GDA: variants seen among roughly 807,000 people sequenced by gnomAD.
The protein encoded by GDA is guanine deaminase, also known as cytoplasmic PSD-95 interactor.
In GDA, 18 loss-of-function variants were observed where a neutral mutation model predicts 59.6. The ratio of observed to expected loss-of-function variants is 0.30; its 90% confidence interval spans 0.21 to 0.45. GDA has a LOEUF of 0.45. Ranked by LOEUF, GDA falls within the 20% of genes least tolerant of loss-of-function variation. The probability of loss-of-function intolerance (pLI) is 1.00; values close to 1 mark genes in which losing one functional copy is unlikely to be tolerated. For synonymous variants in GDA, 201 were observed against 201.1 expected, an observed-to-expected ratio of 1.00 and a Z score of 0.00; for missense variants, 427 against 552.3, an observed-to-expected ratio of 0.77 and a Z score of 2.27.
chr9:72,210,996 T>C (rs1835286907), intron 4 of GDA, among the ~76,000 whole-genome samples: 1 of 152,190 alleles, frequency 6.6e-6, no homozygotes, highest in Admixed American at 6.5e-5. Flanking sequence ...GTGTTTTCTA[T>C]TTTCTAAGTA....
rs777667197 is a variant in GDA, at chr9:72,210,768, A to G, written c.466A>G (p.Ile156Val). 8.8e-6 allele frequency: 14 copies of G among 1,599,518 alleles called. No homozygotes were observed. The Middle Eastern group carries it at 6.6e-4, about 76-fold the overall frequency. Residue 156 changes from isoleucine (I) to valine (V), a missense_variant, in exon 4 of 14, where the codon ATT (isoleucine) becomes GTT (valine). By Grantham distance (29) the Ile-to-Val change is conservative. Transcript: ENST00000358399. ...HTDSSLLLADITDKFGQRAFV... is the reference protein window; with the variant it reads ...HTDSSLLLADVTDKFGQRAFV... ...TGACTCATCTCTGCTCCTTGCCGAC[A>G]TTACAGGTGAGCAAATGAAGCATGA...
intron 1 of GDA, among the ~76,000 whole-genome samples, chr9:72,183,496 T>C (rs1831511537): frequency 6.6e-6 from 1 of 152,056 alleles, no homozygotes; most frequent in Non-Finnish European, 1.5e-5. Context: ...AAATAGTTTA[T>C]AAAGAAAAAA....
chr9:72,208,170 A>G (rs1834952115), intron 3 of GDA, among the ~76,000 whole-genome samples: 1 of 152,214 alleles, frequency 6.6e-6, no homozygotes, highest in Non-Finnish European at 1.5e-5. Context: ...CTACTGTCTA[A>G]GGTACGGCAT....
At chr9:72,119,785 G>T (rs1323320350) in intron 1 of GDA, among the ~76,000 whole-genome samples, 1 of 152,114 alleles carries the variant, frequency 6.6e-6, no homozygotes, top group African/African-American at 2.4e-5. Context: ...GCTTGAGCAA[G>T]ATATACACTT....
At position 72,248,520 on chromosome 9, in the gene GDA, A is replaced by C. The variant is rs1840385010; in HGVS notation, c.*178A>C. 10 of 1,405,558 alleles carry C rather than the reference A, an allele frequency of 7.1e-6. No homozygotes were observed. In the South Asian group the frequency reaches 1.6e-4, roughly 22 times the overall value. 87.1% of individuals were successfully genotyped at this position (1,405,558 alleles called of 1,614,324 possible). On this transcript the variant is annotated 3_prime_UTR_variant, in exon 14 of 14. Coordinates refer to ENST00000358399, the MANE Select transcript of GDA (RefSeq NM_004293.5). ...TTCGAAGGAAGTTGCACTAATTCTC[A>C]ACTCTGGTTGAGAGGGTTCATAAAT...
chr9:72,179,666 C>T (rs1563958115), intron 1 of GDA, among the ~76,000 whole-genome samples: 1 of 152,124 alleles, frequency 6.6e-6, no homozygotes, highest in Non-Finnish European at 1.5e-5. Flanking sequence ...TAATGAAGTA[C>T]CACAAACAGG....
Position 72,235,690 on chromosome 9 carries a change from C to CAA in GDA, c.988+4521_988+4522dup, listed in dbSNP as rs11411689. 1.3e-3 allele frequency among the ~76,000 whole-genome samples: 182 copies of CAA among 142,238 alleles called. No individual in the cohort carries two copies. In the East Asian group the frequency reaches 0.021, roughly 16 times the overall value. The allele number at this position is 142,238 out of a possible 152,430, so 93.3% of individuals were successfully genotyped here. The stretch of plus-strand genomic sequence containing the variant: ...CCAGCCTGGGTGACAGAGAGAGACT[C>CAA]AAAAAAAAAAAAATTCCTTGTCTCA... On this transcript the variant is annotated intron_variant, in intron 10 of 13. Coordinates refer to ENST00000358399, the MANE Select transcript of GDA (RefSeq NM_004293.5).
rs188762124 is a variant in GDA at position 72,198,280 on chromosome 9, C to T, written c.212+2692C>T. Among the ~76,000 whole-genome samples, 1,021 of 151,944 alleles carry T rather than the reference C, an allele frequency of 6.7e-3. 13 individuals carry two copies. Among genetic ancestry groups the T allele is most frequent in the African/African-American group, 0.023 (973 of 41,418 alleles). Reference sequence around the variant, plus strand: ...GTGGGCCGGGTGCGGTGGCTCACACCTGTAATCCCAGCACTTTGGGAGGCC... The same window carrying T: ...GTGGGCCGGGTGCGGTGGCTCACACTTGTAATCCCAGCACTTTGGGAGGCC... On this transcript the variant is annotated intron_variant, in intron 2 of 13. Transcript: ENST00000358399.
chr9:72,170,111 A>C (rs1039746502), intron 1 of GDA, among the ~76,000 whole-genome samples: 1 of 152,184 alleles, frequency 6.6e-6, no homozygotes, highest in Admixed American at 6.5e-5. Context: ...GACAAAGAAG[A>C]TCATTTTCTG....
rs1840500292 is a variant in GDA, at chr9:72,249,720, A to G, written c.*1378A>G. On this transcript the variant is annotated 3_prime_UTR_variant, in exon 14 of 14. Transcript: ENST00000358399. ...CAAATACTATAAATGAGCAAGGAAA[A>G]GGAATAGACTTTCTTAATATATTAT... is the stretch of plus-strand genomic sequence containing the variant. The G allele has an allele frequency of 1.3e-6, 1 of 789,198 alleles. No homozygotes were observed. Among genetic ancestry groups the G allele is most frequent in the Non-Finnish European group, 1.5e-6 (1 of 651,214 alleles). 48.9% of individuals were successfully genotyped at this position (789,198 alleles called of 1,614,324 possible). A position where few individuals can be genotyped will look rare whatever the true frequency, so the allele number is the denominator to read the frequency against.
intron 8 of GDA, among the ~76,000 whole-genome samples, chr9:72,226,821 A>G (rs1245053039): frequency 6.6e-6 from 1 of 152,176 alleles, no homozygotes; most frequent in Non-Finnish European, 1.5e-5. Context: ...TTTAATAATA[A>G]TTCTGTAGTC....
chr9:72,193,738 A>C (rs538376120), intron 1 of GDA: 11 of 152,414 alleles, frequency 7.2e-5, no homozygotes, highest in Admixed American at 6.5e-4. Flanking sequence ...ATAGTAAGTC[A>C]CCGCAGTTCC....
At chr9:72,259,448 C>G (rs1331057825), downstream of GDA, among the ~76,000 whole-genome samples, 3 of 152,230 alleles carry the variant, frequency 2.0e-5, no homozygotes, top group African/African-American at 4.8e-5. Context: ...CGGACTGCTC[C>G]ACAGCTGCAG....
At chr9:72,117,813 A>G (rs1825508827) in intron 1 of GDA, among the ~76,000 whole-genome samples, 1 of 152,164 alleles carries the variant, frequency 6.6e-6, no homozygotes, top group Non-Finnish European at 1.5e-5. Context: ...GGGATAGCTA[A>G]TGGAACAAAA....
chr9:72,235,241 C>G (rs1286228562), intron 10 of GDA, among the ~76,000 whole-genome samples: 1 of 152,176 alleles, frequency 6.6e-6, no homozygotes, highest in Non-Finnish European at 1.5e-5. Flanking sequence ...ATGTTTCCCT[C>G]AGGCTGGAAA....
At chr9:72,247,071 GC>G (rs1840214587) in intron 12 of GDA, among the ~76,000 whole-genome samples, 1 of 152,100 alleles carries the variant, frequency 6.6e-6, no homozygotes, top group Non-Finnish European at 1.5e-5. Context: ...GGTTGGATGA[GC>G]TTGTCTTACA....
chr9:72,229,046 A>G (rs1199387002), intron 9 of GDA: 1 of 152,058 alleles, frequency 6.6e-6, no homozygotes, highest in East Asian at 1.9e-4. Flanking sequence ...TCAGAAAACA[A>G]CTTCAGGGGT....
chr9:72,215,942 G>A (rs143895167), intron 5 of GDA, among the ~76,000 whole-genome samples: 1 of 152,222 alleles, frequency 6.6e-6, no homozygotes, highest in Non-Finnish European at 1.5e-5. Flanking sequence ...CTGCACATAG[G>A]TATCAATCCC....
chr9:72,164,710 A>G (rs7048302), intron 1 of GDA, among the ~76,000 whole-genome samples: 114,409 of 151,368 alleles, frequency 0.76, 43,253 homozygotes, highest in Middle Eastern at 0.81. Context: ...TGGGCCGGGC[A>G]CAGTGGCTCA....
Sources: gnomAD v4.1 joint callset for allele counts (sites outside exome capture counted in the v4.1 genomes callset) on GRCh38, gnomAD v4.1.1 for gene constraint, MANE v1.5 for transcripts, NCBI Gene and HGNC (gene_info 2026-07-23, HGNC 2026-07-21) for gene names.